NPAS3: variants seen among roughly 807,000 people sequenced by gnomAD.
The protein encoded by NPAS3 is neuronal PAS domain protein 3.
In NPAS3, 14 loss-of-function variants were observed where a neutral mutation model predicts 73.1. The ratio of observed to expected loss-of-function variants is 0.19; its 90% CI spans 0.13 to 0.30. The LOEUF (loss-of-function observed/expected upper bound fraction) is 0.30, where lower values mean the gene tolerates loss of function less well. Among genes scored for constraint, NPAS3 ranks in the 10% least tolerant of loss-of-function variants. The pLI, the probability that NPAS3 is intolerant of heterozygous loss-of-function variation, is 1.00. For missense variants in NPAS3, 1,096 were observed against 1,250.0 expected (o/e 0.88, Z 1.86); for synonymous variants, 620 against 541.5 (o/e 1.14, Z -2.01).
At chr14:32,959,297 G>C (rs996317946) in intron 1 of NPAS3, among the ~76,000 whole-genome samples, 3 of 152,118 alleles carry the variant, frequency 2.0e-5, no homozygotes, top group African/African-American at 7.2e-5. Context: ...TGCCACACTT[G>C]GCCTGGTTGT....
At chr14:33,360,852 G>A (rs377711646) in intron 3 of NPAS3, among the ~76,000 whole-genome samples, 6 of 151,954 alleles carry the variant, frequency 3.9e-5, no homozygotes, top group African/African-American at 7.3e-5. Flanking sequence ...TCCACGCCTC[G>A]GCCCAGGCTG....
At chr14:33,487,296 G>T (rs532200851) in intron 4 of NPAS3, among the ~76,000 whole-genome samples, 2 of 152,174 alleles carry the variant, frequency 1.3e-5, no homozygotes, top group East Asian at 3.9e-4. Context: ...AGACATAATA[G>T]TTAAAATTAG....
intron 4 of NPAS3, among the ~76,000 whole-genome samples, chr14:33,470,111 T>C (rs2050716884): frequency 6.6e-6 from 1 of 152,192 alleles, no homozygotes; most frequent in African/African-American, 2.4e-5. Flanking sequence ...CCTCACAGCA[T>C]GGTGGCTAAC....
At chr14:33,797,863 CAT>C (rs10582207) in intron 11 of NPAS3, among the ~76,000 whole-genome samples, 31,757 of 144,810 alleles carry the variant, frequency 0.22, 3,377 homozygotes, top group Middle Eastern at 0.26. Context: ...TATATATATA[CAT>C]ATATATATAT....
chr14:33,801,215 T>G, downstream of NPAS3: 1 of 1,495,722 alleles, frequency 6.7e-7, no homozygotes. Context: ...CAGGTCAGCG[T>G]CTTCTCTCGC....
intron 6 of NPAS3, among the ~76,000 whole-genome samples, chr14:33,720,865 A>G (rs2061088657): frequency 6.6e-6 from 1 of 152,134 alleles, no homozygotes; most frequent in Non-Finnish European, 1.5e-5. Flanking sequence ...TTGTTAATCC[A>G]TGGGGTGATC....
intron 5 of NPAS3, among the ~76,000 whole-genome samples, chr14:33,618,216 G>C (rs982017571): frequency 1.3e-5 from 2 of 152,052 alleles, no homozygotes; most frequent in African/African-American, 4.8e-5. Flanking sequence ...GGGGTGGAGG[G>C]ATGGTTTTGG....
At chr14:33,387,025 C>G (rs536410208) in intron 4 of NPAS3, among the ~76,000 whole-genome samples, 3 of 152,160 alleles carry the variant, frequency 2.0e-5, no homozygotes, top group African/African-American at 7.2e-5. Context: ...TTAGTCAGCC[C>G]CTTGATCCTA....
At chr14:33,637,946 T>A (rs951683631) in intron 5 of NPAS3, among the ~76,000 whole-genome samples, 2 of 152,214 alleles carry the variant, frequency 1.3e-5, no homozygotes, top group African/African-American at 4.8e-5. Flanking sequence ...GAGGCTGTGT[T>A]CCCTCATGCC....
At chr14:33,050,715 T>C (rs2040673311) in intron 1 of NPAS3, among the ~76,000 whole-genome samples, 2 of 152,214 alleles carry the variant, frequency 1.3e-5, no homozygotes, top group African/African-American at 2.4e-5. Context: ...TCTTAAAAGA[T>C]CACAGTGCAA....
intron 2 of NPAS3, among the ~76,000 whole-genome samples, chr14:33,208,365 T>C (rs1459207370): frequency 6.6e-6 from 1 of 152,212 alleles, no homozygotes; most frequent in Admixed American, 6.5e-5. Flanking sequence ...ATTTAAAGTG[T>C]TAAGAATGAA....
chr14:33,343,696 A>G (rs781242793), intron 3 of NPAS3, among the ~76,000 whole-genome samples: 22 of 152,232 alleles, frequency 1.4e-4, no homozygotes, highest in African/African-American at 2.4e-4. Context: ...TGAAAACAAA[A>G]TCTACCAGGT....
chr14:33,468,627 C>T (rs1478769454), intron 4 of NPAS3, among the ~76,000 whole-genome samples: 2 of 152,182 alleles, frequency 1.3e-5, no homozygotes, highest in Non-Finnish European at 2.9e-5. Flanking sequence ...AACTCATACT[C>T]TTTCTGGATG....
chr14:33,322,973 C>T (rs986933199), intron 3 of NPAS3, among the ~76,000 whole-genome samples: 1 of 152,132 alleles, frequency 6.6e-6, no homozygotes, highest in Non-Finnish European at 1.5e-5. Flanking sequence ...AGAAGTTCTG[C>T]CTATAAATTA....
intron 5 of NPAS3, 108 bp from the exon 6 acceptor site, chr14:33,676,103 C>T (rs922399982): frequency 9.4e-7 from 1 of 1,065,544 alleles, no homozygotes; most frequent in Non-Finnish European, 1.4e-6. Context: ...GTTTCTGGGA[C>T]CTGAATGTAT....
At chr14:33,611,615 G>T in intron 5 of NPAS3, among the ~76,000 whole-genome samples, 1 of 152,164 alleles carries the variant, frequency 6.6e-6, no homozygotes, top group African/African-American at 2.4e-5. Flanking sequence ...TTCACTCACA[G>T]CATGACTCAT....
intron 4 of NPAS3, among the ~76,000 whole-genome samples, chr14:33,551,170 T>C (rs1445165988): frequency 1.1e-4 from 16 of 152,232 alleles, no homozygotes; most frequent in Non-Finnish European, 1.3e-4. Context: ...TACAAATGTT[T>C]TTTAATGCCT....
intron 5 of NPAS3, among the ~76,000 whole-genome samples, chr14:33,584,651 G>A (rs1434167621): frequency 1.3e-5 from 2 of 152,152 alleles, no homozygotes; most frequent in Non-Finnish European, 2.9e-5. Context: ...CCTGTCCTTG[G>A]AGTACCCACA....
intron 4 of NPAS3, among the ~76,000 whole-genome samples, chr14:33,464,414 C>T (rs1484093633): frequency 6.6e-6 from 1 of 152,166 alleles, no homozygotes; most frequent in African/African-American, 2.4e-5. Flanking sequence ...AAATAGCTCC[C>T]TCCTGGCTAT....
Sources: gnomAD v4.1 joint callset for allele counts (sites outside exome capture counted in the v4.1 genomes callset) on GRCh38, gnomAD v4.1.1 for gene constraint, MANE v1.5 for transcripts, NCBI Gene and HGNC (gene_info 2026-07-23, HGNC 2026-07-21) for gene names.